Variants in CD101 observed in about 807,000 individuals in gnomAD.
CD101 encodes CD101 molecule.
Under a neutral mutation model 98.2 loss-of-function variants are expected in CD101, and 76 were observed. That is an observed-to-expected ratio of 0.77 (90% confidence interval 0.64 to 0.94). The LOEUF (loss-of-function observed/expected upper bound fraction) is 0.94, where lower values mean the gene tolerates loss of function less well. Ranked by LOEUF, CD101 falls within the 40% of genes least tolerant of loss-of-function variation. CD101 has a pLI of 0.00. For synonymous variants in CD101, 471 were observed against 472.7 expected (o/e 1.00, Z 0.05); for missense variants, 1,145 against 1,218.8 (o/e 0.94, Z 0.90).
intron 8 of CD101, among the ~76,000 whole-genome samples, chr1:117,029,294 C>A (rs1190058353): frequency 1.5e-5 from 2 of 136,270 alleles, no homozygotes; most frequent in African/African-American, 2.6e-5. Flanking sequence ...GTTGACAGTC[C>A]AACATCTGAA....
At chr1:117,017,901 A>G (rs895580185) in intron 5 of CD101, among the ~76,000 whole-genome samples, 2 of 152,194 alleles carry the variant, frequency 1.3e-5, no homozygotes, top group African/African-American at 4.8e-5. Context: ...CAGCTGTCTA[A>G]GTAGCAGATT....
At position 117,025,810 on chromosome 1, in the gene CD101, G is replaced by A. The variant is rs1341374151; in HGVS notation, c.2730G>A (p.Arg910=). 10 of 1,614,044 alleles carry A rather than the reference G, an allele frequency of 6.2e-6. No individual in the cohort carries two copies. The highest frequency in any genetic ancestry group is 5.3e-5 in the African/African-American group (4 of 74,896). The stretch of plus-strand genomic sequence containing the variant: ...AGGATGCAGGAATGTACTGGTGTAG[G>A]GTGGCAGAGTGGCAGCTCCATGGAC... The part of the protein sequence containing the change: ...EMEDAGMYWC[R]VAEWQLHGHP... The change falls in exon 8 of 10, where the codon AGG becomes AGA. Residue 910 remains arginine, a synonymous_variant. Transcript: ENST00000682167.
chr1:117,008,196 G>A (rs1652654241), intron 1 of CD101, among the ~76,000 whole-genome samples: 2 of 152,186 alleles, frequency 1.3e-5, no homozygotes, highest in Non-Finnish European at 2.9e-5. Context: ...TGAGCGCAGT[G>A]GCTCACACCT....
Position 117,011,936 on chromosome 1 carries a change from G to A in CD101, c.811G>A (p.Asp271Asn), listed in dbSNP as rs372656520. The change falls in exon 3 of 10, where the codon GAT becomes AAT. Residue 271 changes from aspartate (D) to asparagine (N), a missense_variant. Asp to Asn is a conservative substitution (Grantham distance 23). Transcript: ENST00000682167. ...TWMFITKKQT[D>N]QTTLRIQPAV... ...GATGTTCATCACCAAAAAGCAGACC[G>A]ATCAAACCACTCTGAGGATCCAGCC... The A allele has an allele frequency of 7.5e-5, 121 of 1,613,744 alleles. No homozygotes were observed. The highest frequency in any genetic ancestry group is 9.4e-5 in the Non-Finnish European group (111 of 1,179,732).
Position 117,015,446 on chromosome 1 carries a change from AT to A in CD101, c.1229-1639del, listed in dbSNP as rs150944286. ...ATTTTGAAACTTCAGTTATGAGTCT[AT>A]TTTTAACTTGAAAAAAACTAAATTT... On this transcript the variant is annotated intron_variant, in intron 4 of 9. Transcript: ENST00000682167. Among the ~76,000 whole-genome samples the A allele has an allele frequency of 7.9e-3, 1,204 of 152,142 alleles. 10 individuals carry two copies. Among genetic ancestry groups the A allele is most frequent in the African/African-American group, 0.027 (1,140 of 41,498 alleles).
intron 4 of CD101, 37 bp from the exon 5 acceptor site, chr1:117,017,052 TA>T (rs1280867174): frequency 7.0e-6 from 11 of 1,575,932 alleles, no homozygotes; most frequent in Middle Eastern, 1.7e-4. Context: ...CTTATTTACC[TA>T]AAACAGTTTT....
chr1:117,029,739 A>G (rs1191854943), intron 8 of CD101, among the ~76,000 whole-genome samples: 1 of 152,232 alleles, frequency 6.6e-6, no homozygotes, highest in Non-Finnish European at 1.5e-5. Flanking sequence ...TGGTCACTTA[A>G]CAGATGGTTT....
chr1:117,004,891 A>C lies in CD101; in HGVS notation c.43+3031A>C, dbSNP rs1300654150. On this transcript the variant is annotated intron_variant, in intron 1 of 9. Coordinates refer to ENST00000682167, the MANE Select transcript of CD101 (RefSeq NM_001256106.3). The surrounding 1 kb of genome is among the most constrained non-coding windows in gnomAD (Gnocchi z 4.1). Reference sequence around the variant, plus strand: ...GGGCGGGTGGGGGAGGGGGGCTTATAAACAACAGAAATTTAGTTTTGGAGG... The same window carrying C: ...GGGCGGGTGGGGGAGGGGGGCTTATCAACAACAGAAATTTAGTTTTGGAGG... 2.0e-5 allele frequency among the ~76,000 whole-genome samples: 3 copies of C among 152,064 alleles called. No individual in the cohort carries two copies. Among genetic ancestry groups the C allele is most frequent in the Non-Finnish European group, 4.4e-5 (3 of 68,026 alleles).
chr1:117,017,234 AG>A lies in CD101; in HGVS notation c.1374del (p.Glu458AspfsTer67), dbSNP rs1653282526. ...ATCCCACGGGACCAGACACAGCCCG[AG>A]TTTGTGGCTGGCATGGGGCAGGATG... ...WHIPRDQTQP[E>X]FVAGMGQDGI... On this transcript the variant is annotated frameshift_variant, in exon 5 of 10. Coordinates refer to ENST00000682167, the MANE Select transcript of CD101 (RefSeq NM_001256106.3). LOFTEE classifies it high-confidence loss of function. 2 of 1,613,996 alleles carry A rather than the reference AG, an allele frequency of 1.2e-6. No homozygotes were observed. The highest frequency in any genetic ancestry group is 1.7e-6 in the Non-Finnish European group (2 of 1,180,026).
At chr1:117,020,718 C>T (rs1653527812) in intron 6 of CD101, among the ~76,000 whole-genome samples, 1 of 152,330 alleles carries the variant, frequency 6.6e-6, no homozygotes, top group East Asian at 1.9e-4. Flanking sequence ...TCTGTCCCTG[C>T]ACTTGTCTCC....
chr1:117,024,448 G>T (rs921805387), intron 7 of CD101, among the ~76,000 whole-genome samples: 1 of 152,100 alleles, frequency 6.6e-6, no homozygotes, highest in Non-Finnish European at 1.5e-5. Flanking sequence ...CTGCACTCTA[G>T]CCTGGGCGAC....
chr1:117,018,148 C>A lies in CD101; in HGVS notation c.1613-8C>A. 1.3e-6 allele frequency: 2 copies of A among 1,552,916 alleles called. No individual in the cohort carries two copies. Among genetic ancestry groups the A allele is most frequent in the East Asian group, 2.3e-5 (1 of 44,164 alleles). ...ATATTAGAAATTCTGTTTCATTTTT[C>A]TGTCTAGAGTCAAGTTTACAAGTTA... On this transcript the variant is annotated splice_region_variant and splice_polypyrimidine_tract_variant and intron_variant, in intron 5 of 9. Transcript: ENST00000682167. This position sits in a 1 kb window ranked among gnomAD's most constrained non-coding sequence, Gnocchi z 4.3.
In CD101 at chr1:117,001,811, G is replaced by A. The variant is rs1320316784; in HGVS notation, c.-7G>A. Reference sequence around the variant, plus strand: ...TATTGGGACGAAAAAGGACTGTGCTGGCCCAAATGGCAGGCATCTCATATG... The same window carrying A: ...TATTGGGACGAAAAAGGACTGTGCTAGCCCAAATGGCAGGCATCTCATATG... On this transcript the variant is annotated 5_prime_UTR_variant, in exon 1 of 10. Coordinates refer to ENST00000682167, the MANE Select transcript of CD101 (RefSeq NM_001256106.3). The A allele has an allele frequency of 1.2e-6, 2 of 1,613,760 alleles. No homozygotes were observed. The highest frequency in any genetic ancestry group is 2.7e-5 in the African/African-American group (2 of 74,894).
rs1652554119 is a variant in CD101 at position 117,006,724 on chromosome 1, TGTA to T, written c.44-3123_44-3121del. 6.6e-6 allele frequency among the ~76,000 whole-genome samples: 1 copy of T among 152,234 alleles called. No homozygotes were observed. Among genetic ancestry groups the T allele is most frequent in the South Asian group, 2.1e-4 (1 of 4,824 alleles). On this transcript the variant is annotated intron_variant, in intron 1 of 9. Transcript: ENST00000682167. The surrounding 1 kb of genome is among the most constrained non-coding windows in gnomAD (Gnocchi z 4.4). ...TAAACCTATTTCCCTCCCCTCAAAA[TGTA>T]GTCCCTCTTCAAAATTTTTGAAGCA... is the stretch of plus-strand genomic sequence containing the variant.
At position 117,023,686 on chromosome 1, in the gene CD101, G is replaced by T. The variant is rs369478693; in HGVS notation, c.2428+1703G>T. ...CCTGCCTTGGCCTCCCAAAGTGCTG[G>T]GATTACAGGCGTGAGCCACTGCGCC... On this transcript the variant is annotated intron_variant, in intron 7 of 9. Coordinates refer to ENST00000682167, the MANE Select transcript of CD101 (RefSeq NM_001256106.3). The surrounding 1 kb of genome is among the most constrained non-coding windows in gnomAD (Gnocchi z 4.4). Among the ~76,000 whole-genome samples, 2 of 152,038 alleles carry T rather than the reference G, an allele frequency of 1.3e-5. No individual in the cohort carries two copies. Among genetic ancestry groups the T allele is most frequent in the African/African-American group, 2.4e-5 (1 of 41,366 alleles).
intron 8 of CD101, among the ~76,000 whole-genome samples, chr1:117,029,054 A>G (rs1341863953): frequency 6.6e-6 from 1 of 150,726 alleles, no homozygotes; most frequent in African/African-American, 2.4e-5. Flanking sequence ...AAAGAAAGAA[A>G]GAGAGAGAGA....
Position 117,013,471 on chromosome 1 carries a change from G to T in CD101, c.907G>T (p.Val303Phe), listed in dbSNP as rs201304832. Residue 303 changes from valine (V) to phenylalanine (F), a missense_variant, in exon 4 of 10, where the codon GTT becomes TTT. Val to Phe is a conservative substitution (Grantham distance 50). Transcript: ENST00000682167. ...TGCTGAAGGGAAACCCTTAGAACTG[G>T]TTTGCCTGGTTGTAAGCAGTGGCCG... ...LFAEGKPLELVCLVVSSGRDP... is the reference protein window; with the variant it reads ...LFAEGKPLELFCLVVSSGRDP... 1 of 1,614,164 alleles carries T rather than the reference G, an allele frequency of 6.2e-7. No homozygotes were observed. The highest frequency in any genetic ancestry group is 1.1e-5 in the South Asian group (1 of 91,076).
Position 117,019,078 on chromosome 1 carries a change from T to C in CD101, c.2017+518T>C, listed in dbSNP as rs140749844. On this transcript the variant is annotated intron_variant, in intron 6 of 9. Coordinates refer to ENST00000682167, the MANE Select transcript of CD101 (RefSeq NM_001256106.3). This position sits in a 1 kb window ranked among gnomAD's most constrained non-coding sequence, Gnocchi z 4.3. ...AAATATAATCCATCTCATCAACTGATAATAGAGCATAGGAGTTAAAAGTGA... is the reference window on the plus strand; with the variant it reads ...AAATATAATCCATCTCATCAACTGACAATAGAGCATAGGAGTTAAAAGTGA... Among the ~76,000 whole-genome samples the C allele has an allele frequency of 6.6e-6, 1 of 152,336 alleles. No individual in the cohort carries two copies. The highest frequency in any genetic ancestry group is 1.9e-4 in the East Asian group (1 of 5,188).
rs542662729 is a variant in CD101, at chr1:117,021,762, T to C, written c.2207T>C (p.Ile736Thr). Reference protein sequence around the residue: ...KILEMDQTNVIKTGDEFHTPQ... With the variant: ...KILEMDQTNVTKTGDEFHTPQ... ...CTGGAGATGGACCAAACCAATGTTA[T>C]AAAAACTGGGGATGAGTTTCACACC... Residue 736 changes from isoleucine (I) to threonine (T), a missense_variant, in exon 7 of 10, where the codon ATA (isoleucine) becomes ACA (threonine). Physicochemically the swap from Ile to Thr is moderately conservative, Grantham distance 89 (BLOSUM62 -1). Coordinates refer to ENST00000682167, the MANE Select transcript of CD101 (RefSeq NM_001256106.3). The surrounding 1 kb of genome is among the most constrained non-coding windows in gnomAD (Gnocchi z 4.7). 1.7e-5 allele frequency: 28 copies of C among 1,613,952 alleles called. No individual in the cohort carries two copies. The East Asian group carries it at 4.2e-4, about 24-fold the overall frequency.
Sources: gnomAD v4.1 joint callset for allele counts (sites outside exome capture counted in the v4.1 genomes callset) on GRCh38, gnomAD v4.1.1 for gene constraint, Gnocchi (gnomAD v3.1) non-coding constraint, MANE v1.5 for transcripts, NCBI Gene and HGNC (gene_info 2026-07-23, HGNC 2026-07-21) for gene names.